DCAF6: variants seen among roughly 807,000 people sequenced by gnomAD.
DCAF6 encodes DDB1- and CUL4-associated factor 6.
In DCAF6, 54 loss-of-function variants were observed where a neutral mutation model predicts 125.1. That is an observed-to-expected ratio of 0.43 (90% CI 0.35 to 0.54). The LOEUF (loss-of-function observed/expected upper bound fraction) is 0.54, where lower values mean the gene tolerates loss of function less well. Among genes scored for constraint, DCAF6 ranks in the 20% least tolerant of loss-of-function variants. The probability of loss-of-function intolerance (pLI) is 0.01; values close to 1 mark genes in which losing one functional copy is unlikely to be tolerated. For synonymous variants in DCAF6, 371 were observed against 390.4 expected (o/e 0.95, Z 0.58); for missense variants, 934 against 1,161.7 (o/e 0.80, Z 2.85).
intron 1 of DCAF6, among the ~76,000 whole-genome samples, chr1:167,948,142 T>A (rs1673360851): frequency 6.6e-6 from 1 of 152,074 alleles, no homozygotes; most frequent in South Asian, 2.1e-4. Context: ...TCCTTTTTTT[T>A]TTTTTTTAAC....
intron 3 of DCAF6, among the ~76,000 whole-genome samples, chr1:167,973,815 T>G (rs1677720075): frequency 6.6e-6 from 1 of 152,208 alleles, no homozygotes; most frequent in Admixed American, 6.5e-5. Flanking sequence ...CAGTCTCCTG[T>G]GTTTTACTGT....
intron 2 of DCAF6, among the ~76,000 whole-genome samples, chr1:167,962,545 A>T (rs1018519607): frequency 5.3e-5 from 8 of 152,098 alleles, no homozygotes; most frequent in Non-Finnish European, 1.0e-4. Context: ...TATTAGTATG[A>T]TATATTTTTC....
At chr1:168,000,371 G>A (rs935819842) in intron 7 of DCAF6, among the ~76,000 whole-genome samples, 33 of 152,006 alleles carry the variant, frequency 2.2e-4, no homozygotes, top group African/African-American at 7.0e-4. Flanking sequence ...ACATGCTATT[G>A]GAAAAAATAG....
intron 2 of DCAF6, among the ~76,000 whole-genome samples, 153 bp from the exon 3 acceptor site, chr1:167,966,476 A>C (rs1676444579): frequency 6.6e-6 from 1 of 152,204 alleles, no homozygotes; most frequent in South Asian, 2.1e-4. Context: ...ACTGTGGCCA[A>C]GGGAAGCCAT....
chr1:168,031,125 T>A lies in DCAF6; in HGVS notation c.1610-7246T>A, dbSNP rs574318671. Among the ~76,000 whole-genome samples, 28 of 152,242 alleles carry A rather than the reference T, an allele frequency of 1.8e-4. No individual in the cohort carries two copies. The South Asian group carries it at 1.9e-3, about 10-fold the overall frequency. ...AGCTCAAGAAAGAAATTTGGGAGAT[T>A]TTTGCATACAGATGTTAACTGAAGC... On this transcript the variant is annotated intron_variant, in intron 12 of 21. Coordinates refer to ENST00000367840, the MANE Select transcript of DCAF6 (RefSeq NM_001198956.2).
intron 12 of DCAF6, among the ~76,000 whole-genome samples, chr1:168,027,751 T>G (rs1223449756): frequency 6.6e-6 from 1 of 152,088 alleles, no homozygotes; most frequent in Non-Finnish European, 1.5e-5. Context: ...AGAAATTTTT[T>G]TCTTTGAATA....
chr1:168,055,997 A>G (rs1414688789), intron 17 of DCAF6: 6 of 1,606,736 alleles, frequency 3.7e-6, no homozygotes, highest in East Asian at 2.2e-5. Flanking sequence ...TGATCAGCCA[A>G]CCATCTTCAT....
the DCAF6 span, chr1:167,914,324 C>T: frequency 2.0e-5 from 3 of 152,176 alleles, no homozygotes; most frequent in African/African-American, 7.2e-5. Context: ...GGGAGACTGA[C>T]ATGACCCCAG....
the DCAF6 span, among the ~76,000 whole-genome samples, chr1:167,912,872 T>A: frequency 6.6e-6 from 1 of 152,190 alleles, no homozygotes; most frequent in South Asian, 2.1e-4. Flanking sequence ...TCTATAGATA[T>A]GAAAACTGAA....
At chr1:167,946,271 G>A (rs938671582) in intron 1 of DCAF6, among the ~76,000 whole-genome samples, 1 of 152,118 alleles carries the variant, frequency 6.6e-6, no homozygotes, top group African/African-American at 2.4e-5. Context: ...AAGAGTTTTT[G>A]TGGGGAGTCT....
the DCAF6 span, among the ~76,000 whole-genome samples, chr1:167,890,030 G>T: frequency 1.3e-5 from 2 of 152,140 alleles, no homozygotes; most frequent in Admixed American, 1.3e-4. Flanking sequence ...CTGTCTGAAA[G>T]GTCACATATC....
At chr1:167,886,435 C>T in the DCAF6 span, among the ~76,000 whole-genome samples, 2 of 152,102 alleles carry the variant, frequency 1.3e-5, no homozygotes, top group African/African-American at 4.8e-5. Flanking sequence ...CTGAAAAAGA[C>T]AAGAAATAGG....
upstream of DCAF6, among the ~76,000 whole-genome samples, chr1:167,931,124 G>GT (rs1370482289): frequency 6.6e-6 from 1 of 152,168 alleles, no homozygotes; most frequent in Admixed American, 6.5e-5. Context: ...TAGAGACAGG[G>GT]TATCACCATG....
the DCAF6 span, chr1:167,918,021 C>G: frequency 7.3e-5 from 17 of 233,294 alleles, no homozygotes; most frequent in Non-Finnish European, 1.4e-4. Flanking sequence ...TTTGTGTGTT[C>G]TTTTATGTAC....
At chr1:167,925,475 A>ATATG in the DCAF6 span, among the ~76,000 whole-genome samples, 1 of 98,502 alleles carries the variant, frequency 1.0e-5, no homozygotes, top group African/African-American at 5.5e-5. Flanking sequence ...ATATATATAT[A>ATATG]CATATACATA....
chr1:167,920,647 T>C, the DCAF6 span: 4 of 1,600,816 alleles, frequency 2.5e-6, no homozygotes, highest in African/African-American at 1.3e-5. Context: ...CATTAACGCA[T>C]AGAAAGAAAA....
At chr1:167,897,383 G>C in the DCAF6 span, among the ~76,000 whole-genome samples, 2 of 150,650 alleles carry the variant, frequency 1.3e-5, no homozygotes, top group African/African-American at 2.4e-5. Context: ...TGTGGTCCCA[G>C]TTACTCAGGA....
chr1:167,925,366 G>T, the DCAF6 span, among the ~76,000 whole-genome samples: 4 of 146,182 alleles, frequency 2.7e-5, no homozygotes, highest in East Asian at 6.0e-4. Context: ...CAGTAGAGTT[G>T]GAAGCAGTTT....
At chr1:168,040,719 C>A (rs1371656848) in intron 13 of DCAF6, among the ~76,000 whole-genome samples, 1 of 136,992 alleles carries the variant, frequency 7.3e-6, no homozygotes, top group Admixed American at 7.3e-5. Context: ...ACTTTTTGGG[C>A]TTTTTTTTTT....
Sources: allele counts gnomAD v4.1 joint callset (sites outside exome capture counted in the v4.1 genomes callset), GRCh38; gene constraint gnomAD v4.1.1; transcripts MANE v1.5; gene names NCBI Gene and HGNC (gene_info 2026-07-23, HGNC 2026-07-21).